INPP4B: variants seen among roughly 807,000 people sequenced by gnomAD.
The protein encoded by INPP4B is inositol polyphosphate-4-phosphatase type II B, also known as inositol polyphosphate 4-phosphatase type II.
A neutral mutation model predicts 122.5 loss-of-function variants in INPP4B; 55 were observed. The observed-to-expected ratio is 0.45, with a 90% CI of 0.36 to 0.56. The LOEUF (loss-of-function observed/expected upper bound fraction) is 0.56, where lower values mean the gene tolerates loss of function less well. INPP4B is among the 20% of genes least tolerant of loss of function. INPP4B has a pLI of 0.00. For missense variants in INPP4B, 1,000 were observed against 1,097.7 expected, an observed-to-expected ratio of 0.91 and a Z score of 1.26; for synonymous variants, 403 against 388.7, an observed-to-expected ratio of 1.04 and a Z score of -0.43.
intron 2 of INPP4B, among the ~76,000 whole-genome samples, chr4:142,667,545 A>G (rs947084325): frequency 6.6e-6 from 1 of 152,210 alleles, no homozygotes; most frequent in African/African-American, 2.4e-5. Context: ...TTGCATAGAA[A>G]AATGAGTCAT....
intron 3 of INPP4B, among the ~76,000 whole-genome samples, chr4:142,446,276 C>T (rs568179502): frequency 4.0e-5 from 6 of 151,618 alleles, no homozygotes; most frequent in Non-Finnish European, 8.8e-5. Context: ...ATATATTAAA[C>T]ACAAATTACC....
At chr4:142,753,903 C>A (rs1426600146) in intron 1 of INPP4B, among the ~76,000 whole-genome samples, 1 of 152,014 alleles carries the variant, frequency 6.6e-6, no homozygotes, top group African/African-American at 2.4e-5. Context: ...TTACCACTTT[C>A]CTGAAATCTC....
intron 2 of INPP4B, among the ~76,000 whole-genome samples, chr4:142,607,417 A>AT: frequency 6.6e-6 from 1 of 152,184 alleles, no homozygotes; most frequent in South Asian, 2.1e-4. Flanking sequence ...GCATCTAGAA[A>AT]TTGCCACCTA....
intron 2 of INPP4B, among the ~76,000 whole-genome samples, chr4:142,690,906 T>C (rs1263046622): frequency 1.3e-5 from 2 of 152,080 alleles, no homozygotes; most frequent in Non-Finnish European, 2.9e-5. Flanking sequence ...TCAAAGCTAT[T>C]TTTAGAAATG....
At chr4:142,643,766 C>A (rs953383941) in intron 2 of INPP4B, among the ~76,000 whole-genome samples, 2 of 152,116 alleles carry the variant, frequency 1.3e-5, no homozygotes, top group African/African-American at 4.8e-5. Flanking sequence ...GGATTTCATA[C>A]AATTTTAAAA....
chr4:142,303,284 C>G (rs1334668403), intron 9 of INPP4B, among the ~76,000 whole-genome samples: 1 of 151,976 alleles, frequency 6.6e-6, no homozygotes, highest in Non-Finnish European at 1.5e-5. Context: ...TGAATACAAG[C>G]ACAACTGTAA....
intron 25 of INPP4B, among the ~76,000 whole-genome samples, chr4:142,063,707 A>T (rs1418468496): frequency 1.3e-5 from 2 of 152,194 alleles, no homozygotes; most frequent in South Asian, 2.1e-4. Context: ...AAGGCTTTTT[A>T]AAAAATGGGA....
intron 8 of INPP4B, among the ~76,000 whole-genome samples, chr4:142,312,784 T>C (rs1180957920): frequency 2.0e-5 from 3 of 152,156 alleles, no homozygotes; most frequent in Non-Finnish European, 1.5e-5. Flanking sequence ...AATTATGCTA[T>C]GGAGAGAACC....
At chr4:142,161,920 C>T (rs1192040144) in intron 16 of INPP4B, among the ~76,000 whole-genome samples, 1 of 151,558 alleles carries the variant, frequency 6.6e-6, no homozygotes, top group African/African-American at 2.4e-5. Flanking sequence ...TGAAGTTTTC[C>T]AACAAATTAG....
At chr4:142,198,377 T>A (rs1303215551) in intron 14 of INPP4B, among the ~76,000 whole-genome samples, 2 of 152,066 alleles carry the variant, frequency 1.3e-5, no homozygotes, top group African/African-American at 4.8e-5. Context: ...ACTTAAATTA[T>A]AAGCAAAATT....
At chr4:142,076,554 A>C (rs1403203250) in intron 25 of INPP4B, among the ~76,000 whole-genome samples, 1 of 152,030 alleles carries the variant, frequency 6.6e-6, no homozygotes, top group Non-Finnish European at 1.5e-5. Context: ...TGTAGCAAAC[A>C]CACCACTGAA....
chr4:142,623,776 T>A (rs1039327536), intron 2 of INPP4B, among the ~76,000 whole-genome samples: 10 of 150,366 alleles, frequency 6.7e-5, no homozygotes, highest in African/African-American at 2.2e-4. Flanking sequence ...TGTCCATGTG[T>A]TCTCATTGTT....
chr4:142,689,819 C>T (rs999926765), intron 2 of INPP4B, among the ~76,000 whole-genome samples: 16 of 152,096 alleles, frequency 1.1e-4, no homozygotes, highest in Admixed American at 6.6e-5. Flanking sequence ...TGTTTATGCG[C>T]AGCTAATTCT....
chr4:142,253,671 A>G (rs1305609052), intron 11 of INPP4B, among the ~76,000 whole-genome samples: 1 of 152,200 alleles, frequency 6.6e-6, no homozygotes, highest in Admixed American at 6.5e-5. Context: ...GCGCACCAGG[A>G]GATTATATCC....
At chr4:142,065,939 A>C (rs890245540) in intron 25 of INPP4B, among the ~76,000 whole-genome samples, 102 of 152,144 alleles carry the variant, frequency 6.7e-4, no homozygotes, top group Admixed American at 6.5e-3. Context: ...AGGAACCTTC[A>C]TGTGTTCAGC....
intron 18 of INPP4B, among the ~76,000 whole-genome samples, chr4:142,133,800 C>T (rs753060283): frequency 1.2e-4 from 19 of 152,148 alleles, no homozygotes; most frequent in African/African-American, 1.9e-4. Flanking sequence ...ACCAATATAT[C>T]CTTTCCCTAG....
intron 1 of INPP4B, among the ~76,000 whole-genome samples, chr4:142,837,047 T>C (rs1326242605): frequency 1.3e-5 from 2 of 151,812 alleles, no homozygotes; most frequent in Non-Finnish European, 2.9e-5. Context: ...GTGCCTGTAA[T>C]CCCAGCTACT....
rs564500732 is a variant in INPP4B, at chr4:142,834,962, A to G, written c.-254+11247T>C. On this transcript the variant is annotated intron_variant, in intron 1 of 25. Transcript: ENST00000262992. ...AACAAAAGGAAATTATAAGCTCTTC[A>G]CCTGTTTTCATTTGTTGCTGAGCTC... 6.6e-5 allele frequency among the ~76,000 whole-genome samples: 10 copies of G among 152,344 alleles called. No homozygotes were observed. The South Asian group carries it at 1.4e-3, about 22-fold the overall frequency.
intron 2 of INPP4B, among the ~76,000 whole-genome samples, chr4:142,545,940 T>C (rs1829596950): frequency 6.6e-6 from 1 of 151,856 alleles, no homozygotes; most frequent in South Asian, 2.1e-4. Flanking sequence ...ATTTTTTTAA[T>C]TTTTATTTTT....
Sources: gnomAD v4.1 joint callset for allele counts (sites outside exome capture counted in the v4.1 genomes callset) on GRCh38, gnomAD v4.1.1 for gene constraint, MANE v1.5 for transcripts, NCBI Gene and HGNC (gene_info 2026-07-23, HGNC 2026-07-21) for gene names.